Variants in RALGAPA2 observed in about 807,000 individuals in gnomAD.
The protein encoded by RALGAPA2 is ral GTPase-activating protein subunit alpha-2.
Under a neutral mutation model 230.4 loss-of-function variants are expected in RALGAPA2, and 139 were observed. The observed-to-expected ratio is 0.60, with a 90% CI of 0.53 to 0.69. RALGAPA2 has a LOEUF of 0.69. Ranked by LOEUF, RALGAPA2 falls within the 30% of genes least tolerant of loss-of-function variation. The pLI is 0.00. For missense variants in RALGAPA2, 2,163 were observed against 2,276.0 expected (o/e 0.95, Z 1.01); for synonymous variants, 847 against 837.8 (o/e 1.01, Z -0.19).
intron 30 of RALGAPA2, among the ~76,000 whole-genome samples, chr20:20,523,036 G>GT (rs386393506): frequency 0.014 from 2,059 of 149,050 alleles, 69 homozygotes; most frequent in East Asian, 0.11. Context: ...ACAATTAGGT[G>GT]TTTTTTTTTT....
chr20:20,577,239 G>C (rs2064849863), intron 20 of RALGAPA2, among the ~76,000 whole-genome samples: 1 of 151,902 alleles, frequency 6.6e-6, no homozygotes. Flanking sequence ...GGAATGACAA[G>C]GGCAACAAAA....
intron 16 of RALGAPA2, among the ~76,000 whole-genome samples, chr20:20,592,255 T>C (rs76264502): frequency 0.017 from 2,526 of 152,304 alleles, 95 homozygotes; most frequent in East Asian, 0.14. Context: ...CCCTCTCTTG[T>C]TAGAGATTCG....
chr20:20,704,675 T>C (rs2069525221), intron 1 of RALGAPA2, among the ~76,000 whole-genome samples: 2 of 152,188 alleles, frequency 1.3e-5, no homozygotes, highest in South Asian at 4.1e-4. Flanking sequence ...GGAAGGGAGC[T>C]CTCTCTCTCC....
chr20:20,396,620 G>T, intron 39 of RALGAPA2, 75 bp downstream of exon 39: 1 of 1,388,864 alleles, frequency 7.2e-7, no homozygotes, highest in South Asian at 1.3e-5. Context: ...GCTACCGAGG[G>T]CAGCCGATTA....
At chr20:20,653,737 A>G (rs1603206129) in intron 3 of RALGAPA2, 150 bp from the exon 4 acceptor site, 3 of 491,616 alleles carry the variant, frequency 6.1e-6, no homozygotes, top group Middle Eastern at 5.4e-4. Flanking sequence ...CTGTATTCCT[A>G]TGAGATAGTT....
intron 35 of RALGAPA2, 128 bp downstream of exon 35, chr20:20,503,223 T>C: frequency 1.1e-6 from 1 of 939,068 alleles, no homozygotes; most frequent in East Asian, 3.1e-5. Context: ...CCCCAAACCT[T>C]AATCTCAGGG....
intron 22 of RALGAPA2, 109 bp from the exon 23 acceptor site, chr20:20,571,722 T>C (rs1288931339): frequency 2.6e-5 from 38 of 1,468,016 alleles, no homozygotes; most frequent in Non-Finnish European, 3.0e-5. Flanking sequence ...ACATGTGGGA[T>C]GCAGTTACTT....
At chr20:20,582,025 A>G (rs2064999834) in intron 20 of RALGAPA2, among the ~76,000 whole-genome samples, 1 of 152,162 alleles carries the variant, frequency 6.6e-6, no homozygotes, top group Admixed American at 6.5e-5. Flanking sequence ...GATTCCTCAG[A>G]CCACGAGTCT....
chr20:20,394,889 CAAAAAAAAAAAA>C (rs10673778), intron 39 of RALGAPA2, among the ~76,000 whole-genome samples: 1 of 44,648 alleles, frequency 2.2e-5, no homozygotes, highest in Middle Eastern at 0.025. Flanking sequence ...AATAAATAAG[CAAAAAAAAAAAA>C]AAAAAAAAAG....
At chr20:20,690,498 T>C (rs1372203233) in intron 1 of RALGAPA2, among the ~76,000 whole-genome samples, 2 of 152,110 alleles carry the variant, frequency 1.3e-5, no homozygotes, top group East Asian at 3.8e-4. Context: ...TCCCACATGA[T>C]CTTCATCTCT....
intron 26 of RALGAPA2, among the ~76,000 whole-genome samples, chr20:20,534,628 T>A (rs2063453477): frequency 6.6e-6 from 1 of 152,118 alleles, no homozygotes; most frequent in Non-Finnish European, 1.5e-5. Flanking sequence ...CAGTGGTTAA[T>A]CTTCTCATCA....
At chr20:20,604,885 T>C (rs984144546) in intron 15 of RALGAPA2, among the ~76,000 whole-genome samples, 17 of 152,180 alleles carry the variant, frequency 1.1e-4, no homozygotes, top group African/African-American at 4.1e-4. Flanking sequence ...ATTATGAAGG[T>C]AAAAAGAGAT....
intron 37 of RALGAPA2, among the ~76,000 whole-genome samples, chr20:20,454,796 G>A (rs1436429000): frequency 1.3e-5 from 2 of 152,180 alleles, no homozygotes; most frequent in African/African-American, 2.4e-5. Context: ...GATGTTTTGT[G>A]GGAAAGTACA....
At chr20:20,620,696 C>A (rs1028768011) in intron 10 of RALGAPA2, 66 bp from the exon 11 acceptor site, 1 of 1,337,518 alleles carries the variant, frequency 7.5e-7, no homozygotes. Context: ...GGCAGCATCA[C>A]GGACATTCCC....
At chr20:20,483,682 A>G (rs1358738188) in intron 36 of RALGAPA2, among the ~76,000 whole-genome samples, 1 of 152,240 alleles carries the variant, frequency 6.6e-6, no homozygotes, top group Admixed American at 6.5e-5. Context: ...TCCTGTGTAC[A>G]GACTTAGGAA....
chr20:20,618,331 C>T (rs1233401708), intron 12 of RALGAPA2, among the ~76,000 whole-genome samples: 1 of 152,216 alleles, frequency 6.6e-6, no homozygotes, highest in Non-Finnish European at 1.5e-5. Context: ...GGACGCAGGT[C>T]ATACTTATGA....
chr20:20,517,816 T>TAAA (rs200028814), intron 31 of RALGAPA2, among the ~76,000 whole-genome samples: 31 of 130,546 alleles, frequency 2.4e-4, no homozygotes, highest in Non-Finnish European at 3.7e-4. Flanking sequence ...AAAAAGAAAT[T>TAAA]AAAAAAAAAA....
chr20:20,435,440 G>A (rs964425031), intron 37 of RALGAPA2, among the ~76,000 whole-genome samples: 5 of 152,216 alleles, frequency 3.3e-5, no homozygotes, highest in Non-Finnish European at 5.9e-5. Flanking sequence ...TCATTTGGGG[G>A]AGAAAAATTT....
At position 20,591,272 on chromosome 20, in the gene RALGAPA2, C is replaced by T. The variant is rs770875565; in HGVS notation, c.2246G>A (p.Gly749Glu). 33 of 1,613,800 alleles carry T rather than the reference C, an allele frequency of 2.0e-5. No homozygotes were observed. The highest frequency in any genetic ancestry group is 1.6e-4 in the East Asian group (7 of 44,884). ...CQQSENAPAA[G>E]SGHLTVGQQQ... ...CTGTCCCACTGTGAGATGGCCAGAT[C>T]CGGCTGCAGGTGCATTTTCTGACTG... The change falls in exon 17 of 40, where the codon GGA (glycine) becomes GAA (glutamate). Residue 749 changes from glycine (G) to glutamate (E), a missense_variant. Coordinates refer to ENST00000202677, the MANE Select transcript of RALGAPA2 (RefSeq NM_020343.4).
Sources: allele counts gnomAD v4.1 joint callset (sites outside exome capture counted in the v4.1 genomes callset), GRCh38; gene constraint gnomAD v4.1.1; transcripts MANE v1.5; gene names NCBI Gene and HGNC (gene_info 2026-07-23, HGNC 2026-07-21).